The following RAD51B variants were observed in gnomAD, a reference collection of about 807,000 sequenced individuals.
RAD51B encodes the protein RAD51 paralog B, also known as DNA repair protein RAD51 homolog 2.
In RAD51B, 38 loss-of-function variants were observed where a neutral mutation model predicts 42.2. The ratio of observed to expected loss-of-function variants is 0.90; its 90% CI spans 0.70 to 1.18. The LOEUF is 1.18. RAD51B is among the 50% of genes most tolerant of loss of function. The pLI is 0.00. For missense variants in RAD51B, 373 were observed against 400.7 expected (o/e 0.93, Z 0.59); for synonymous variants, 154 against 145.2 (o/e 1.06, Z -0.43).
At chr14:68,152,440 C>G (rs1420305468) in intron 7 of RAD51B, among the ~76,000 whole-genome samples, 1 of 152,148 alleles carries the variant, frequency 6.6e-6, no homozygotes, top group East Asian at 1.9e-4. Flanking sequence ...CCTGGCCAGC[C>G]AACATCAGCA....
At chr14:67,890,481 T>G (rs547009453) in intron 7 of RAD51B, among the ~76,000 whole-genome samples, 1 of 151,838 alleles carries the variant, frequency 6.6e-6, no homozygotes, top group Non-Finnish European at 1.5e-5. Flanking sequence ...ATTATTATAC[T>G]TTAAGTTTTA....
chr14:68,669,282 A>G (rs775066753), intron 11 of RAD51B, among the ~76,000 whole-genome samples: 21 of 152,250 alleles, frequency 1.4e-4, no homozygotes, highest in Non-Finnish European at 3.1e-4. Flanking sequence ...TGAACTTTAC[A>G]TAGGAAATAT....
At chr14:68,159,848 G>T (rs566927210) in intron 7 of RAD51B, among the ~76,000 whole-genome samples, 151 of 151,814 alleles carry the variant, frequency 9.9e-4, no homozygotes, top group African/African-American at 2.8e-3. Flanking sequence ...TCCTATTTTT[G>T]GGAATTATAA....
At chr14:68,606,442 A>G (rs977728816) in intron 10 of RAD51B, among the ~76,000 whole-genome samples, 5 of 152,178 alleles carry the variant, frequency 3.3e-5, no homozygotes, top group Admixed American at 2.0e-4. Context: ...TTAAAATTGG[A>G]ATTTTTGCAT....
intron 7 of RAD51B, among the ~76,000 whole-genome samples, chr14:68,115,414 A>T (rs1189354064): frequency 1.1e-5 from 1 of 94,134 alleles, no homozygotes; most frequent in African/African-American, 4.5e-5. Flanking sequence ...GGGAGGGGGG[A>T]GGGATAGCAT....
chr14:68,363,107 C>CA (rs534022861), intron 8 of RAD51B, among the ~76,000 whole-genome samples: 100 of 152,184 alleles, frequency 6.6e-4, no homozygotes, highest in African/African-American at 2.4e-3. Flanking sequence ...AAACTTGGTG[C>CA]AAAAAAACCT....
At chr14:68,191,282 G>A (rs1054547381) in intron 7 of RAD51B, among the ~76,000 whole-genome samples, 1 of 152,098 alleles carries the variant, frequency 6.6e-6, no homozygotes, top group African/African-American at 2.4e-5. Flanking sequence ...TTGGATCATG[G>A]TTTCTGTGGA....
chr14:68,119,763 T>G (rs1032902214), intron 7 of RAD51B, among the ~76,000 whole-genome samples: 9 of 151,220 alleles, frequency 6.0e-5, no homozygotes, highest in East Asian at 3.9e-4. Context: ...ATTGTGAATA[T>G]TGCCGCAATA....
intron 10 of RAD51B, among the ~76,000 whole-genome samples, chr14:68,520,802 G>A (rs537842758): frequency 1.3e-5 from 2 of 152,272 alleles, no homozygotes; most frequent in African/African-American, 2.4e-5. Flanking sequence ...TTGGGAAACA[G>A]GTATTACACA....
chr14:68,214,761 T>C (rs1056010283), intron 7 of RAD51B, among the ~76,000 whole-genome samples: 1 of 152,210 alleles, frequency 6.6e-6, no homozygotes, highest in Admixed American at 6.5e-5. Context: ...TCTGGCCTCT[T>C]ATACCCACAT....
intron 4 of RAD51B, among the ~76,000 whole-genome samples, chr14:67,837,698 A>G (rs781548117): frequency 5.3e-5 from 8 of 152,170 alleles, no homozygotes; most frequent in Non-Finnish European, 1.2e-4. Context: ...TTTATGGGGT[A>G]CAGTGTGATA....
At chr14:67,950,454 AAG>A (rs2074422905) in intron 7 of RAD51B, among the ~76,000 whole-genome samples, 1 of 152,178 alleles carries the variant, frequency 6.6e-6, no homozygotes, top group Non-Finnish European at 1.5e-5. Flanking sequence ...CACAGAATTG[AAG>A]AGAGTTAGGG....
At chr14:68,570,678 T>A (rs1324600248) in intron 10 of RAD51B, among the ~76,000 whole-genome samples, 4 of 152,230 alleles carry the variant, frequency 2.6e-5, no homozygotes, top group Admixed American at 1.3e-4. Flanking sequence ...TCCCCATTTT[T>A]ACCTCCAGCC....
At chr14:68,419,947 C>A (rs1462474741) in intron 9 of RAD51B, among the ~76,000 whole-genome samples, 3 of 152,074 alleles carry the variant, frequency 2.0e-5, no homozygotes, top group African/African-American at 7.2e-5. Context: ...AATTTAAATT[C>A]CTCTTTATTT....
intron 10 of RAD51B, among the ~76,000 whole-genome samples, chr14:68,512,513 T>C (rs1885799747): frequency 1.3e-5 from 2 of 152,328 alleles, no homozygotes; most frequent in South Asian, 4.1e-4. Flanking sequence ...TTGTTTCTCA[T>C]GGTTCAGCAT....
At chr14:68,422,148 A>G (rs2084716615) in intron 9 of RAD51B, 2 of 1,363,020 alleles carry the variant, frequency 1.5e-6, no homozygotes, top group African/African-American at 1.4e-5. Flanking sequence ...ACATGGCCCA[A>G]GGGCTCGCTG....
chr14:68,667,454 A>AG (rs879568182), intron 11 of RAD51B, among the ~76,000 whole-genome samples: 12,744 of 152,250 alleles, frequency 0.084, 594 homozygotes, highest in Middle Eastern at 0.13. Context: ...TGTAAATCAA[A>AG]TATAAAAACT....
chr14:68,063,829 A>G (rs1332150553), intron 7 of RAD51B, among the ~76,000 whole-genome samples: 3 of 152,198 alleles, frequency 2.0e-5, no homozygotes, highest in Non-Finnish European at 4.4e-5. Context: ...CCACCAGTTC[A>G]TATCTTTTAG....
rs377211015 is a variant in RAD51B, at chr14:68,635,035, G to A, written c.1037-15746G>A. Among the ~76,000 whole-genome samples the A allele has an allele frequency of 5.9e-5, 9 of 152,234 alleles. No individual in the cohort carries two copies. In the South Asian group the frequency reaches 1.5e-3, roughly 25 times the overall value. ...AGACTCTGGGAGCCTCCGGTGACAG[G>A]GCCATATGGTTTCCTTATCTTCCTT... On this transcript the variant is annotated intron_variant, in intron 10 of 11. Coordinates refer to the RAD51B transcript ENST00000488612.
Sources: gnomAD v4.1 joint callset for allele counts (sites outside exome capture counted in the v4.1 genomes callset) on GRCh38, gnomAD v4.1.1 for gene constraint, MANE v1.5 for transcripts, NCBI Gene and HGNC (gene_info 2026-07-23, HGNC 2026-07-21) for gene names.